TG: variants seen among roughly 807,000 people sequenced by gnomAD.
TG encodes the protein thyroid hormones.
TG carries 270 observed loss-of-function variants against 324.7 expected under a neutral mutation model. The ratio of observed to expected loss-of-function variants is 0.83; its 90% CI spans 0.75 to 0.92. The LOEUF (loss-of-function observed/expected upper bound fraction) is 0.92. Ranked by LOEUF, TG falls within the 40% of genes least tolerant of loss-of-function variation. The pLI, the probability that TG is intolerant of heterozygous loss-of-function variation, is 0.00. For missense variants in TG, 3,591 were observed against 3,456.4 expected (o/e 1.04, Z -0.98); for synonymous variants, 1,401 against 1,327.0 (o/e 1.06, Z -1.21).
At chr8:133,081,562 C>A (rs10097042) in intron 41 of TG, among the ~76,000 whole-genome samples, 38,881 of 151,790 alleles carry the variant, frequency 0.26, 5,269 homozygotes, top group African/African-American at 0.31. Context: ...GTCTTTTGGC[C>A]CTAAAATTAT....
chr8:133,075,636 A>G (rs1256427808), intron 41 of TG, among the ~76,000 whole-genome samples: 2 of 152,172 alleles, frequency 1.3e-5, no homozygotes, highest in Non-Finnish European at 2.9e-5. Flanking sequence ...TGACGGCTAT[A>G]TCTTTCAAAG....
chr8:133,051,703 A>G (rs920735483), intron 41 of TG, among the ~76,000 whole-genome samples: 1 of 152,194 alleles, frequency 6.6e-6, no homozygotes, highest in Non-Finnish European at 1.5e-5. Flanking sequence ...ACACTGAGCG[A>G]TACGTCTGCT....
At chr8:133,094,255 T>C in intron 41 of TG, among the ~76,000 whole-genome samples, 1 of 151,076 alleles carries the variant, frequency 6.6e-6, no homozygotes, top group Admixed American at 6.6e-5. Context: ...TTTTTTTTTT[T>C]TTTTTGATGG....
intron 43 of TG, among the ~76,000 whole-genome samples, chr8:133,106,201 C>T (rs966393955): frequency 1.3e-5 from 2 of 152,124 alleles, no homozygotes; most frequent in African/African-American, 4.8e-5. Context: ...GATGGAGGGC[C>T]CTCAGTCCAA....
intron 41 of TG, among the ~76,000 whole-genome samples, chr8:133,078,242 A>G (rs1845200425): frequency 6.6e-6 from 1 of 152,178 alleles, no homozygotes. Context: ...CTTGGAAGCT[A>G]CAGTATGGGC....
At chr8:132,990,841 C>G (rs984206720) in intron 35 of TG, among the ~76,000 whole-genome samples, 1 of 152,084 alleles carries the variant, frequency 6.6e-6, no homozygotes, top group African/African-American at 2.4e-5. Context: ...AGAGTCTCCC[C>G]GCGAAGATGG....
At chr8:133,055,811 C>A (rs948792864) in intron 41 of TG, among the ~76,000 whole-genome samples, 7 of 150,310 alleles carry the variant, frequency 4.7e-5, no homozygotes, top group Admixed American at 4.0e-4. Context: ...TCCCTTCCTC[C>A]CCCTCCTCAT....
chr8:133,075,456 A>G (rs1431844532), intron 41 of TG, among the ~76,000 whole-genome samples: 1 of 152,232 alleles, frequency 6.6e-6, no homozygotes, highest in African/African-American at 2.4e-5. Flanking sequence ...CGTCAAGGGA[A>G]AAAAACTAGA....
rs114305064 is a variant in TG at position 132,923,346 on chromosome 8, G to T, written c.4537G>T (p.Asp1513Tyr). 367 of 1,614,124 alleles carry T rather than the reference G, an allele frequency of 2.3e-4. 2 individuals are homozygous for T. In the African/African-American group the frequency reaches 4.2e-3, roughly 19 times the overall value. Residue 1513 changes from aspartate to tyrosine, a missense_variant, in exon 22 of 48, where the codon GAC (aspartate) becomes TAC (tyrosine). Transcript: ENST00000220616. ...CAATCTATTGGTTCTAGGTGTCACT[G>T]ACTGTCAGAGGAACGAAGCAGGCCT... ...GAFSQTHCVT[D>Y]CQRNEAGLQC...
chr8:132,986,359 G>A (rs950456684), intron 35 of TG, among the ~76,000 whole-genome samples: 4 of 99,822 alleles, frequency 4.0e-5, no homozygotes, highest in African/African-American at 6.7e-5. Flanking sequence ...ATGTATATAT[G>A]TGTATATATA....
At chr8:132,964,431 G>A (rs566627790) in intron 29 of TG, among the ~76,000 whole-genome samples, 3 of 152,224 alleles carry the variant, frequency 2.0e-5, no homozygotes, top group African/African-American at 7.2e-5. Flanking sequence ...TTGAGTCCAG[G>A]CCGAGTGGCA....
chr8:132,938,877 C>T (rs141760862), intron 25 of TG, among the ~76,000 whole-genome samples: 3,707 of 152,018 alleles, frequency 0.024, 147 homozygotes, highest in African/African-American at 0.085. Flanking sequence ...ACAGTGAAAC[C>T]CTGTCTCTAC....
chr8:133,128,144 A>T (rs1475173007), intron 45 of TG, among the ~76,000 whole-genome samples: 3 of 152,002 alleles, frequency 2.0e-5, no homozygotes, highest in African/African-American at 7.3e-5. Flanking sequence ...GGTTGATCGC[A>T]CTTTCTTGTT....
At chr8:132,902,869 C>T (rs566997093) in intron 16 of TG, among the ~76,000 whole-genome samples, 6 of 152,136 alleles carry the variant, frequency 3.9e-5, no homozygotes, top group Non-Finnish European at 7.4e-5. Context: ...ATACAGTTCC[C>T]GTGTACAGAT....
rs187011399 is a variant in TG at position 132,999,014 on chromosome 8, T to C, written c.6263-12887T>C. Among the ~76,000 whole-genome samples the C allele has an allele frequency of 4.6e-3, 698 of 152,268 alleles. 5 individuals carry two copies. Among genetic ancestry groups the C allele is most frequent in the Non-Finnish European group, 7.7e-3 (522 of 68,028 alleles). On this transcript the variant is annotated intron_variant, in intron 35 of 47. Coordinates refer to ENST00000220616, the MANE Select transcript of TG (RefSeq NM_003235.5). ...AGGATGATGAGAAGGACTAGAAGAT[T>C]TCATTGTCAGAGGGTTGGGCCTCCA... is the stretch of plus-strand genomic sequence containing the variant.
intron 1 of TG, 83 bp downstream of exon 1, chr8:132,867,150 G>A (rs1247256360): frequency 1.5e-5 from 19 of 1,242,928 alleles, no homozygotes; most frequent in Non-Finnish European, 2.1e-5. Flanking sequence ...TCGAACAGGT[G>A]CGATCTAATT....
rs149739404 is a variant in TG at position 133,028,562 on chromosome 8, C to T, written c.7037-1259C>T. ...CTTCCATAGTGCTTTATGACAAGCA[C>T]GGTTCTGTTCCCTTTACAAATATTA... On this transcript the variant is annotated intron_variant, in intron 40 of 47. Coordinates refer to ENST00000220616, the MANE Select transcript of TG (RefSeq NM_003235.5). Among the ~76,000 whole-genome samples the T allele has an allele frequency of 2.3e-3, 357 of 152,296 alleles. 1 individual carries two copies. Among genetic ancestry groups the T allele is most frequent in the African/African-American group, 7.8e-3 (323 of 41,556 alleles).
In TG at chr8:132,983,298, G is replaced by A. The variant is rs376132488; in HGVS notation, c.6200-52G>A. The stretch of plus-strand genomic sequence containing the variant: ...ACTTATATTAATGCCTTCTGAACTC[G>A]ATGATACCATGGGGGTAGAAAAGAA... On this transcript the variant is annotated intron_variant, in intron 34 of 47. Transcript: ENST00000220616. 121 of 1,583,308 alleles carry A rather than the reference G, an allele frequency of 7.6e-5. 1 individual carries two copies. The highest frequency in any genetic ancestry group is 5.0e-4 in the Middle Eastern group (3 of 6,012).
chr8:132,990,434 C>T (rs916002825), intron 35 of TG, among the ~76,000 whole-genome samples: 2 of 152,000 alleles, frequency 1.3e-5, no homozygotes, highest in Non-Finnish European at 2.9e-5. Flanking sequence ...GTGTTGTGAA[C>T]ATTCCAAATC....
Sources: allele counts gnomAD v4.1 joint callset (sites outside exome capture counted in the v4.1 genomes callset), GRCh38; gene constraint gnomAD v4.1.1; transcripts MANE v1.5; gene names NCBI Gene and HGNC (gene_info 2026-07-23, HGNC 2026-07-21).